Variants in REV1 observed in about 807,000 individuals in gnomAD.
The protein encoded by REV1 is REV1 DNA directed polymerase, also known as translesion synthesis protein REV1.
REV1 carries 42 observed loss-of-function variants against 137.4 expected under a neutral mutation model. The observed-to-expected ratio is 0.31, with a 90% CI of 0.24 to 0.40. REV1 has a LOEUF of 0.40. Among genes scored for constraint, REV1 ranks in the 10% least tolerant of loss-of-function variants. The pLI is 1.00. For missense variants in REV1, 1,282 were observed against 1,490.1 expected (o/e 0.86, Z 2.30); for synonymous variants, 524 against 519.2 (o/e 1.01, Z -0.12).
Position 99,406,024 on chromosome 2 carries a change from C to T in REV1, c.2697G>A (p.Pro899=), listed in dbSNP as rs144891694. Residue 899 remains proline, a synonymous_variant, in exon 17 of 23, where the codon CCG becomes CCA. Coordinates refer to ENST00000258428, the MANE Select transcript of REV1 (RefSeq NM_016316.4). ...CAGCCTTGTTAGTATCAGGACTGGT[C>T]GGCAGATGTGCAGGAAAAGGTGGCA... The part of the protein sequence containing the change: ...TFLPPFPAHL[P]TSPDTNKAES... The T allele has an allele frequency of 2.8e-4, 448 of 1,613,776 alleles. No individual in the cohort carries two copies. The highest frequency in any genetic ancestry group is 3.6e-4 in the Non-Finnish European group (419 of 1,179,960).
At chr2:99,472,231 G>A (rs1461669968) in intron 1 of REV1, among the ~76,000 whole-genome samples, 1 of 152,294 alleles carries the variant, frequency 6.6e-6, no homozygotes, top group East Asian at 1.9e-4. Flanking sequence ...GCCTTAAAAG[G>A]AAGGAAATTC....
chr2:99,486,608 G>T lies in REV1; in HGVS notation c.-11+3209C>A, dbSNP rs185000737. 2.0e-5 allele frequency among the ~76,000 whole-genome samples: 3 copies of T among 152,240 alleles called. No individual in the cohort carries two copies. In the East Asian group the frequency reaches 5.8e-4, roughly 29 times the overall value. On this transcript the variant is annotated intron_variant, in intron 1 of 22. Transcript: ENST00000258428. ...TTACTCACCATAATCCTGTGAGGTAGGTATTATTACAGTCATCCTACAGAT... is the reference window on the plus strand; with the variant it reads ...TTACTCACCATAATCCTGTGAGGTATGTATTATTACAGTCATCCTACAGAT...
At chr2:99,431,383 T>G (rs982087460) in intron 8 of REV1, among the ~76,000 whole-genome samples, 3 of 152,254 alleles carry the variant, frequency 2.0e-5, no homozygotes, top group Middle Eastern at 3.4e-3. Context: ...TCTGGAGGGT[T>G]TTAAAAGGGT....
At chr2:99,434,539 G>T in intron 7 of REV1, 91 bp from the exon 8 acceptor site, 1 of 686,462 alleles carries the variant, frequency 1.5e-6, no homozygotes, top group East Asian at 2.9e-5. Flanking sequence ...TTAAAAACAT[G>T]CCTTTTTTTT....
At position 99,439,993 on chromosome 2, in the gene REV1, T is replaced by C. The variant is rs28382879; in HGVS notation, c.504-683A>G. ...CAAAAAGTAAAGCCATGTCAATGTG[T>C]GGGGGTAATTCAGTAAAATTTACAC... On this transcript the variant is annotated intron_variant, in intron 5 of 22. Transcript: ENST00000258428. 4.6e-5 allele frequency among the ~76,000 whole-genome samples: 7 copies of C among 152,286 alleles called. No homozygotes were observed. In the East Asian group the frequency reaches 1.3e-3, roughly 29 times the overall value.
chr2:99,454,550 C>CAAAAAAAAAAA (rs373850478), intron 3 of REV1, among the ~76,000 whole-genome samples: 25 of 82,360 alleles, frequency 3.0e-4, no homozygotes, highest in African/African-American at 4.9e-4. Flanking sequence ...AACTCCAGCT[C>CAAAAAAAAAAA]AAAAAAAAAA....
chr2:99,439,401 T>C, intron 5 of REV1, 91 bp from the exon 6 acceptor site: 1 of 818,708 alleles, frequency 1.2e-6, no homozygotes, highest in Admixed American at 3.0e-5. Context: ...TGGTACACAG[T>C]TTGGTATTTC....
At chr2:99,451,248 T>C in intron 3 of REV1, 1 of 689,966 alleles carries the variant, frequency 1.4e-6, no homozygotes, top group Non-Finnish European at 1.9e-6. Flanking sequence ...ACTAATTCTA[T>C]TTAATGACTT....
chr2:99,470,711 C>T (rs1559405325), intron 1 of REV1, among the ~76,000 whole-genome samples: 1 of 152,188 alleles, frequency 6.6e-6, no homozygotes, highest in South Asian at 2.1e-4. Context: ...GGCTAAGTTG[C>T]TAGCCAATCA....
chr2:99,447,097 C>T (rs1424560506), intron 4 of REV1, among the ~76,000 whole-genome samples: 2 of 151,750 alleles, frequency 1.3e-5, no homozygotes, highest in South Asian at 2.1e-4. Context: ...GTTATAGGGA[C>T]GAGCCTTTGA....
chr2:99,452,270 GA>G (rs1456766649), intron 3 of REV1, among the ~76,000 whole-genome samples: 1 of 151,602 alleles, frequency 6.6e-6, no homozygotes, highest in Non-Finnish European at 1.5e-5. Flanking sequence ...ACAAAATATG[GA>G]AAAAAATTAA....
chr2:99,470,696 A>T (rs147189064), intron 1 of REV1, among the ~76,000 whole-genome samples: 13 of 152,296 alleles, frequency 8.5e-5, no homozygotes, highest in African/African-American at 2.6e-4. Context: ...TTTTAAAACA[A>T]GATTGGCTAA....
chr2:99,455,813 G>T (rs1454195217), intron 3 of REV1, among the ~76,000 whole-genome samples: 1 of 152,066 alleles, frequency 6.6e-6, no homozygotes, highest in Non-Finnish European at 1.5e-5. Flanking sequence ...ATCCTTATTT[G>T]AAATATAAGT....
chr2:99,422,538 G>A (rs1204728017), intron 10 of REV1, among the ~76,000 whole-genome samples: 1 of 152,154 alleles, frequency 6.6e-6, no homozygotes. Context: ...ATCTATTAAA[G>A]AAATAAGTAT....
chr2:99,412,777 C>T lies in REV1; in HGVS notation c.2126G>A (p.Arg709Lys). The T allele has an allele frequency of 6.2e-7, 1 of 1,614,126 alleles. No individual in the cohort carries two copies. ...DDRPVRTEKE[R>K]KSVSAEINYG... ...GTTGATCTCAGCTGAAACAGATTTT[C>T]TTTCCTTTTCAGTTCGAACTGGTCT... is the stretch of plus-strand genomic sequence containing the variant. Residue 709 changes from arginine (R) to lysine (K), a missense_variant, in exon 13 of 23, where the codon AGA (arginine) becomes AAA (lysine). Transcript: ENST00000258428.
At chr2:99,480,183 C>CA (rs1686463723) in intron 1 of REV1, among the ~76,000 whole-genome samples, 1 of 152,082 alleles carries the variant, frequency 6.6e-6, no homozygotes. Context: ...ATTAGCCAGT[C>CA]ATGGTGGTGC....
At chr2:99,489,506 A>G (rs4851209) in intron 1 of REV1, among the ~76,000 whole-genome samples, 63,940 of 123,290 alleles carry the variant, frequency 0.52, 14,008 homozygotes, top group Admixed American at 0.65. Context: ...CCGCTGCGCC[A>G]GGGGTCGGCG....
At chr2:99,428,948 T>C (rs1038562528) in intron 9 of REV1, among the ~76,000 whole-genome samples, 18 of 141,898 alleles carry the variant, frequency 1.3e-4, no homozygotes, top group African/African-American at 2.4e-4. Flanking sequence ...GCCAAGATGG[T>C]GCCACTGCAC....
Position 99,418,811 on chromosome 2 carries a change from A to T in REV1, c.1951+17T>A, listed in dbSNP as rs201422040. 1.9e-4 allele frequency: 305 copies of T among 1,605,462 alleles called. No homozygotes were observed. The African/African-American group carries it at 3.6e-3, about 19-fold the overall frequency. On this transcript the variant is annotated intron_variant, in intron 12 of 22. Coordinates refer to ENST00000258428, the MANE Select transcript of REV1 (RefSeq NM_016316.4). The stretch of plus-strand genomic sequence containing the variant: ...TAATGCCTGTAATAAAAGTATTGTT[A>T]AAATATTTCTATTTACCTGGTAGAT...
Sources: gnomAD v4.1 joint callset for allele counts (sites outside exome capture counted in the v4.1 genomes callset) on GRCh38, gnomAD v4.1.1 for gene constraint, MANE v1.5 for transcripts, NCBI Gene and HGNC (gene_info 2026-07-23, HGNC 2026-07-21) for gene names.